The following RARA variants were observed in gnomAD, a reference collection of about 807,000 sequenced individuals.
RARA encodes the protein PML-DDX5-RARA fusion.
RARA carries 5 observed loss-of-function variants against 42.8 expected under a neutral mutation model. That is an observed-to-expected ratio of 0.12 (90% CI 0.06 to 0.25). The LOEUF is 0.25. Among genes scored for constraint, RARA ranks in the 10% least tolerant of loss-of-function variants. RARA has a pLI of 1.00. For missense variants in RARA, 402 were observed against 628.7 expected, an observed-to-expected ratio of 0.64 and a Z score of 3.86; for synonymous variants, 256 against 259.5, an observed-to-expected ratio of 0.99 and a Z score of 0.13.
At chr17:40,330,658 C>T (rs2033666863) in intron 1 of RARA, among the ~76,000 whole-genome samples, 199 bp from the exon 2 acceptor site, 1 of 152,194 alleles carries the variant, frequency 6.6e-6, no homozygotes, top group African/African-American at 2.4e-5. Context: ...TCTCCCCAGC[C>T]TGGCTGTGCT....
chr17:40,350,458 G>A (rs2034406148), intron 4 of RARA: 1 of 153,802 alleles, frequency 6.5e-6, no homozygotes, highest in Non-Finnish European at 1.4e-5. Flanking sequence ...CAGAGGAAAC[G>A]GGGTTTCCAC....
Position 40,331,198 on chromosome 17 carries a change from T to A in RARA, c.-21T>A. ...CCCCCTGCCAGACTGTCTGCCTCCC[T>A]TCTGACTGTGGCCGCTTGGCATGGC... On this transcript the variant is annotated 5_prime_UTR_variant, in exon 2 of 9. Transcript: ENST00000254066. 1 of 1,598,836 alleles carries A rather than the reference T, an allele frequency of 6.3e-7. No homozygotes were observed. Among genetic ancestry groups the A allele is most frequent in the Non-Finnish European group, 8.5e-7 (1 of 1,173,958 alleles).
chr17:40,343,225 G>A (rs767817687), intron 2 of RARA: 57 of 185,890 alleles, frequency 3.1e-4, no homozygotes, highest in Non-Finnish European at 5.1e-4. Context: ...TGGAGGGTGG[G>A]GTAAAGGTCC....
At position 40,354,130 on chromosome 17, in the gene RARA, A is replaced by G. The variant is rs2034537487; in HGVS notation, c.808-172A>G. ...GACGCATGTGGCTGGTGGCTGAGGT[A>G]TGGATGGTGCAGACGTAGAACCTTT... On this transcript the variant is annotated intron_variant, in intron 6 of 8. Coordinates refer to ENST00000254066, the MANE Select transcript of RARA (RefSeq NM_000964.4). This position sits in a 1 kb window ranked among gnomAD's most constrained non-coding sequence, Gnocchi z 4.5. Among the ~76,000 whole-genome samples, 1 of 152,216 alleles carries G rather than the reference A, an allele frequency of 6.6e-6. No individual in the cohort carries two copies. Among genetic ancestry groups the G allele is most frequent in the Non-Finnish European group, 1.5e-5 (1 of 68,018 alleles).
At chr17:40,341,314 G>A in intron 2 of RARA, 3 of 1,387,370 alleles carry the variant, frequency 2.2e-6, no homozygotes, top group Non-Finnish European at 2.8e-6. Context: ...AGCGTGGGGA[G>A]GAGGGCCCCC....
chr17:40,340,921 A>G (rs2143369098), intron 2 of RARA: 1 of 400,278 alleles, frequency 2.5e-6, no homozygotes. Flanking sequence ...GACAACCCAC[A>G]TAGCCTTGCT....
intron 1 of RARA, among the ~76,000 whole-genome samples, chr17:40,322,673 G>T (rs2033424921): frequency 6.6e-6 from 1 of 152,064 alleles, no homozygotes; most frequent in African/African-American, 2.4e-5. Flanking sequence ...TTGAGAAGGG[G>T]AAGCTGCGGT....
At chr17:40,349,004 C>CAA (rs2034360069) in intron 3 of RARA, 1 of 155,134 alleles carries the variant, frequency 6.4e-6, no homozygotes, top group Non-Finnish European at 1.4e-5. Context: ...GCTTCTCCTC[C>CAA]TTTCCCTGGG....
intron 2 of RARA, among the ~76,000 whole-genome samples, chr17:40,337,473 G>T (rs979759650): frequency 6.6e-6 from 1 of 152,198 alleles, no homozygotes; most frequent in African/African-American, 2.4e-5. Context: ...ATCCTGTCCT[G>T]GAAGCTGTGG....
At position 40,356,754 on chromosome 17, in the gene RARA, T is replaced by C; in HGVS notation, c.*528T>C. ...GCTGGTTTTGTTTTTATTTTAATTT[T>C]TTTGTTTTGATTTTTTTAATAAGAA... On this transcript the variant is annotated 3_prime_UTR_variant, in exon 9 of 9. Coordinates refer to ENST00000254066, the MANE Select transcript of RARA (RefSeq NM_000964.4). 1.9e-6 allele frequency: 1 copy of C among 525,716 alleles called. No individual in the cohort carries two copies. Among genetic ancestry groups the C allele is most frequent in the Middle Eastern group, 3.7e-4 (1 of 2,692 alleles). 32.6% of individuals were successfully genotyped at this position (525,716 alleles called of 1,614,324 possible). A position where few individuals can be genotyped will look rare whatever the true frequency, so the allele number is the denominator to read the frequency against.
chr17:40,341,789 C>G, intron 2 of RARA: 1 of 1,269,592 alleles, frequency 7.9e-7, no homozygotes, highest in Non-Finnish European at 1.0e-6. Context: ...CTTCGCTCGG[C>G]CAGGGACTGA....
chr17:40,330,908 G>T lies in RARA; in HGVS notation c.-311G>T. On this transcript the variant is annotated 5_prime_UTR_variant, in exon 2 of 9. Transcript: ENST00000254066. ...ACCTAGCTGGGGCCCATCTAGGAGTGGCATCTTTTTTGGTGCCCTGAAGGC... is the reference window on the plus strand; with the variant it reads ...ACCTAGCTGGGGCCCATCTAGGAGTTGCATCTTTTTTGGTGCCCTGAAGGC... The T allele has an allele frequency of 2.9e-6, 1 of 339,246 alleles. No individual in the cohort carries two copies. Among genetic ancestry groups the T allele is most frequent in the Admixed American group, 4.8e-5 (1 of 20,690 alleles). The allele number at this position is 339,246 out of a possible 1,614,324, so 21.0% of individuals were successfully genotyped here.
rs974094957 is a variant in RARA, at chr17:40,345,646, G to C, written c.179-2670G>C. 3.3e-5 allele frequency among the ~76,000 whole-genome samples: 5 copies of C among 152,256 alleles called. No individual in the cohort carries two copies. The highest frequency in any genetic ancestry group is 4.8e-5 in the African/African-American group (2 of 41,462). The stretch of plus-strand genomic sequence containing the variant: ...GGGCGCTGGAACTTTGAGCTGAGAA[G>C]GTGTGGTCCTTCTCTAGCCCGAGTC... On this transcript the variant is annotated intron_variant, in intron 2 of 8. Transcript: ENST00000254066. This position sits in a 1 kb window ranked among gnomAD's most constrained non-coding sequence, Gnocchi z 4.8.
rs2034662494 is a variant in RARA, at chr17:40,357,177, GCTC to G, written c.*955_*957del. 4.2e-6 allele frequency: 1 copy of G among 237,298 alleles called. No homozygotes were observed. The allele number at this position is 237,298 out of a possible 1,614,324, so 14.7% of individuals were successfully genotyped here. A position where few individuals can be genotyped will look rare whatever the true frequency, so the allele number is the denominator to read the frequency against. On this transcript the variant is annotated 3_prime_UTR_variant, in exon 9 of 9. Transcript: ENST00000254066. ...CCGGGACAGAGTTTTCCCAGACCTG[GCTC>G]CTCGGCAGAGCTGCCTCCCGTCAGG...
At chr17:40,339,125 G>C (rs1181166276) in intron 2 of RARA, among the ~76,000 whole-genome samples, 1 of 152,240 alleles carries the variant, frequency 6.6e-6, no homozygotes, top group Non-Finnish European at 1.5e-5. Flanking sequence ...GGCCCTTGGT[G>C]AGTTTCACGT....
rs766800557 is a variant in RARA, at chr17:40,326,056, G to A, written c.-362-4801G>A. On this transcript the variant is annotated intron_variant, in intron 1 of 8. Coordinates refer to ENST00000254066, the MANE Select transcript of RARA (RefSeq NM_000964.4). This position sits in a 1 kb window ranked among gnomAD's most constrained non-coding sequence, Gnocchi z 5.2. ...GTGGTCAGGCCTCCACCCACACCCC[G>A]AATATCCCTTTCCCCACATCCCTCT... Among the ~76,000 whole-genome samples, 22 of 152,210 alleles carry A rather than the reference G, an allele frequency of 1.4e-4. No individual in the cohort carries two copies. The highest frequency in any genetic ancestry group is 2.2e-4 in the Non-Finnish European group (15 of 68,034).
Position 40,356,261 on chromosome 17 carries a change from C to T in RARA, c.*35C>T, listed in dbSNP as rs1363778498. On this transcript the variant is annotated 3_prime_UTR_variant, in exon 9 of 9. Coordinates refer to ENST00000254066, the MANE Select transcript of RARA (RefSeq NM_000964.4). Reference sequence around the variant, plus strand: ...CCACATGGACACAGCCCTCGCCCTCCGCCCCGGCTTTTCTCTGCCTTTCTA... The same window carrying T: ...CCACATGGACACAGCCCTCGCCCTCTGCCCCGGCTTTTCTCTGCCTTTCTA... The T allele has an allele frequency of 2.3e-5, 35 of 1,538,268 alleles. No homozygotes were observed. The highest frequency in any genetic ancestry group is 5.5e-5 in the African/African-American group (4 of 72,818).
At chr17:40,339,292 C>G (rs2143351060) in intron 2 of RARA, among the ~76,000 whole-genome samples, 1 of 152,304 alleles carries the variant, frequency 6.6e-6, no homozygotes, top group African/African-American at 2.4e-5. Flanking sequence ...CAGGAGGGGG[C>G]CCTGCCTGGC....
rs377082428 is a variant in RARA, at chr17:40,341,092, C to T, written c.179-7224C>T. On this transcript the variant is annotated intron_variant, in intron 2 of 8. Coordinates refer to ENST00000254066, the MANE Select transcript of RARA (RefSeq NM_000964.4). ...GGGGGTAATAGGATACCCCCTCCTC[C>T]AGGGGTATCCCCTCTTTCTAGGGAC... 7.8e-4 allele frequency: 314 copies of T among 402,192 alleles called. 2 individuals carry two copies. Among genetic ancestry groups the T allele is most frequent in the African/African-American group, 5.8e-3 (285 of 48,772 alleles). The allele number at this position is 402,192 out of a possible 1,614,324, so 24.9% of individuals were successfully genotyped here. A position where few individuals can be genotyped will look rare whatever the true frequency, so the allele number is the denominator to read the frequency against.
Sources: gnomAD v4.1 joint callset for allele counts (sites outside exome capture counted in the v4.1 genomes callset) on GRCh38, gnomAD v4.1.1 for gene constraint, Gnocchi (gnomAD v3.1) non-coding constraint, MANE v1.5 for transcripts, NCBI Gene and HGNC (gene_info 2026-07-23, HGNC 2026-07-21) for gene names.